The following CLEC16A variants were observed in gnomAD, a reference collection of about 807,000 sequenced individuals.
CLEC16A encodes protein CLEC16A.
A neutral mutation model predicts 109.5 loss-of-function variants in CLEC16A; 51 were observed. The observed-to-expected ratio is 0.47, with a 90% CI of 0.37 to 0.59. CLEC16A has a LOEUF of 0.59. Ranked by LOEUF, CLEC16A falls within the 20% of genes least tolerant of loss-of-function variation. The probability of loss-of-function intolerance (pLI) is 0.00; values close to 1 mark genes in which losing one functional copy is unlikely to be tolerated. For missense variants in CLEC16A, 1,339 were observed against 1,394.0 expected (o/e 0.96, Z 0.63); for synonymous variants, 673 against 564.2 (o/e 1.19, Z -2.73).
chr16:11,176,884 C>T (rs2068769931), intron 23 of CLEC16A, among the ~76,000 whole-genome samples: 1 of 152,240 alleles, frequency 6.6e-6, no homozygotes, highest in East Asian at 1.9e-4. Context: ...TCCTCTCCCT[C>T]TTCCCTTTCT....
rs188655456 is a variant in CLEC16A at position 11,135,623 on chromosome 16, A to G, written c.2641+9477A>G. 2.0e-5 allele frequency among the ~76,000 whole-genome samples: 3 copies of G among 152,338 alleles called. No individual in the cohort carries two copies. The East Asian group carries it at 5.8e-4, about 29-fold the overall frequency. Reference sequence around the variant, plus strand: ...TGCCCGGGAGCCTTCTGGTCATAAGAGTGTGTCAGATGGCAGGGAACACTC... The same window carrying G: ...TGCCCGGGAGCCTTCTGGTCATAAGGGTGTGTCAGATGGCAGGGAACACTC... On this transcript the variant is annotated intron_variant, in intron 22 of 23. Transcript: ENST00000409790.
chr16:11,130,993 C>G (rs1448911711), intron 22 of CLEC16A, among the ~76,000 whole-genome samples: 1 of 152,128 alleles, frequency 6.6e-6, no homozygotes, highest in Non-Finnish European at 1.5e-5. Flanking sequence ...AGGTGACTAG[C>G]CACTTTGGTG....
intron 10 of CLEC16A, among the ~76,000 whole-genome samples, chr16:10,995,625 A>C (rs113029576): frequency 6.6e-6 from 1 of 152,120 alleles, no homozygotes; most frequent in Non-Finnish European, 1.5e-5. Context: ...GCCCCCTTGT[A>C]CCAGGCATTT....
intron 19 of CLEC16A, among the ~76,000 whole-genome samples, 198 bp from the exon 20 acceptor site, chr16:11,120,417 A>G (rs1051222961): frequency 2.0e-5 from 3 of 152,204 alleles, no homozygotes; most frequent in African/African-American, 7.2e-5. Flanking sequence ...CAGATGAGGG[A>G]TCTGAGGTCC....
intron 13 of CLEC16A, among the ~76,000 whole-genome samples, chr16:11,025,148 T>C (rs376915552): frequency 6.6e-6 from 1 of 152,232 alleles, no homozygotes. Context: ...TCAGGCAATA[T>C]GGAGGAAGGT....
At chr16:11,005,834 G>T (rs1478927340) in intron 11 of CLEC16A, among the ~76,000 whole-genome samples, 2 of 150,888 alleles carry the variant, frequency 1.3e-5, no homozygotes, top group African/African-American at 4.9e-5. Context: ...CCTAGAAGAT[G>T]CGAGATCTGA....
intron 19 of CLEC16A, among the ~76,000 whole-genome samples, chr16:11,107,778 G>A (rs1010220938): frequency 1.3e-5 from 2 of 152,194 alleles, no homozygotes; most frequent in Admixed American, 1.3e-4. Flanking sequence ...AGCTCCCAAG[G>A]AAACGTGATT....
intron 22 of CLEC16A, among the ~76,000 whole-genome samples, chr16:11,160,567 G>A (rs2054687755): frequency 6.6e-6 from 1 of 152,098 alleles, no homozygotes; most frequent in South Asian, 2.1e-4. Flanking sequence ...CAGGTACAGG[G>A]CAGCTTTTTC....
At chr16:11,011,601 G>A (rs997727689) in intron 11 of CLEC16A, among the ~76,000 whole-genome samples, 3 of 152,082 alleles carry the variant, frequency 2.0e-5, no homozygotes, top group African/African-American at 7.3e-5. Context: ...CTGTCCATGG[G>A]CAGGGGTATT....
chr16:10,973,051 A>G lies in CLEC16A; in HGVS notation c.718A>G (p.Thr240Ala). ...GATCGAACTCGATGACTGCGTGCAG[A>G]CTGATGAGGAGTAAGTGACACCCCC... ...HVIELDDCVQ[T>A]DEEHRNRGKL... Residue 240 changes from threonine to alanine, a missense_variant, in exon 7 of 24, where the codon ACT becomes GCT. By Grantham distance (58) the Thr-to-Ala change is moderately conservative (BLOSUM62 0). Around this residue, in one of 3 missense-constraint regions of CLEC16A, gnomAD observed 161 missense variants for 267.1 expected, o/e 0.60. Coordinates refer to ENST00000409790, the MANE Select transcript of CLEC16A (RefSeq NM_015226.3). 1 of 1,605,070 alleles carries G rather than the reference A, an allele frequency of 6.2e-7. No individual in the cohort carries two copies. The highest frequency in any genetic ancestry group is 8.5e-7 in the Non-Finnish European group (1 of 1,175,332).
chr16:11,051,596 C>G lies in CLEC16A; in HGVS notation c.1950C>G (p.Asp650Glu), dbSNP rs752705789. 1 of 1,614,066 alleles carries G rather than the reference C, an allele frequency of 6.2e-7. No homozygotes were observed. Among genetic ancestry groups the G allele is most frequent in the South Asian group, 1.1e-5 (1 of 91,090 alleles). ...PPTGTPLTGIDFVKRLPCGDV... is the reference protein window; with the variant it reads ...PPTGTPLTGIEFVKRLPCGDV... ...CAGGCACGCCACTGACGGGCATTGA[C>G]TTCGTGAAGCGGCTGCCGTGTGGCG... is the stretch of plus-strand genomic sequence containing the variant. The change falls in exon 18 of 24, where the codon GAC becomes GAG. Residue 650 changes from aspartate to glutamate, a missense_variant. This residue lies in a region of CLEC16A where 1,061 missense variants were observed against 1,006.8 expected (regional missense o/e 1.05). Coordinates refer to ENST00000409790, the MANE Select transcript of CLEC16A (RefSeq NM_015226.3).
At chr16:11,107,559 C>G (rs1190517917) in intron 19 of CLEC16A, among the ~76,000 whole-genome samples, 2 of 152,238 alleles carry the variant, frequency 1.3e-5, no homozygotes. Context: ...GGAACAGTCT[C>G]AGCCCTTCTT....
chr16:11,062,414 C>A (rs2048531727), intron 19 of CLEC16A, among the ~76,000 whole-genome samples: 1 of 152,212 alleles, frequency 6.6e-6, no homozygotes. Context: ...TTCCCTTGAA[C>A]AAATGACAGG....
intron 11 of CLEC16A, among the ~76,000 whole-genome samples, chr16:11,018,360 G>C (rs1260420695): frequency 6.6e-6 from 1 of 151,890 alleles, no homozygotes; most frequent in Non-Finnish European, 1.5e-5. Flanking sequence ...TGTGAACTGA[G>C]CCTTGAATGA....
intron 18 of CLEC16A, among the ~76,000 whole-genome samples, chr16:11,056,133 G>A (rs1363084586): frequency 6.6e-6 from 1 of 152,174 alleles, no homozygotes; most frequent in Non-Finnish European, 1.5e-5. Context: ...TTTGGGCTTA[G>A]GCTGGATCCA....
At chr16:11,096,014 T>C (rs1052807456) in intron 19 of CLEC16A, among the ~76,000 whole-genome samples, 2 of 151,900 alleles carry the variant, frequency 1.3e-5, no homozygotes, top group Non-Finnish European at 2.9e-5. Context: ...ACACAAATAC[T>C]GTGCAAATAC....
intron 22 of CLEC16A, among the ~76,000 whole-genome samples, chr16:11,134,252 C>A (rs146169819): frequency 6.7e-6 from 1 of 149,122 alleles, no homozygotes; most frequent in Non-Finnish European, 1.5e-5. Flanking sequence ...TGGTACCAGG[C>A]AAAACTACGT....
intron 10 of CLEC16A, among the ~76,000 whole-genome samples, chr16:10,984,030 G>A (rs952481343): frequency 3.9e-5 from 6 of 151,960 alleles, no homozygotes; most frequent in African/African-American, 1.4e-4. Flanking sequence ...TGAGCATAGT[G>A]CGTTTTATAC....
At chr16:10,997,368 T>C (rs770128620) in intron 10 of CLEC16A, among the ~76,000 whole-genome samples, 59 of 152,262 alleles carry the variant, frequency 3.9e-4, no homozygotes, top group Admixed American at 3.3e-3. Context: ...ATTATATTCA[T>C]GTATAATTCG....
Sources: allele counts gnomAD v4.1 joint callset (sites outside exome capture counted in the v4.1 genomes callset), GRCh38; gene constraint gnomAD v4.1.1; regional missense constraint gnomAD v4.1.1; transcripts MANE v1.5; gene names NCBI Gene and HGNC (gene_info 2026-07-23, HGNC 2026-07-21).